Variants in CRHR1 observed in about 807,000 individuals in gnomAD.
CRHR1 encodes corticotropin-releasing hormone receptor 1.
Under a neutral mutation model 56.0 loss-of-function variants are expected in CRHR1, and 28 were observed. The observed-to-expected ratio is 0.50, with a 90% CI of 0.37 to 0.69. The LOEUF is 0.69. Ranked by LOEUF, CRHR1 falls within the 30% of genes least tolerant of loss-of-function variation. The pLI is 0.00. For synonymous variants in CRHR1, 195 were observed against 216.5 expected, an observed-to-expected ratio of 0.90 and a Z score of 0.87; for missense variants, 376 against 548.0, an observed-to-expected ratio of 0.69 and a Z score of 3.13.
intron 2 of CRHR1, among the ~76,000 whole-genome samples, chr17:45,811,715 G>T (rs951314139): frequency 6.6e-6 from 1 of 152,180 alleles, no homozygotes; most frequent in Non-Finnish European, 1.5e-5. Flanking sequence ...CACTTTCCCC[G>T]CAGGTTTTCT....
At chr17:45,832,994 C>T (rs1362261878) in intron 8 of CRHR1, 144 bp from the exon 9 acceptor site, 1 of 724,258 alleles carries the variant, frequency 1.4e-6, no homozygotes, top group East Asian at 2.5e-5. Context: ...GATCAAGTGA[C>T]TTGACCTTCT....
chr17:45,833,693 T>TGGGGCCCCCCC, intron 10 of CRHR1, 21 bp from the exon 11 acceptor site: 15 of 1,571,518 alleles, frequency 9.5e-6, no homozygotes, highest in Non-Finnish European at 1.3e-5. Context: ...ACTCCGAGCC[T>TGGGGCCCCCCC]CCCCACCCGC....
chr17:45,831,508 G>A (rs539780732), intron 8 of CRHR1, among the ~76,000 whole-genome samples: 8 of 152,136 alleles, frequency 5.3e-5, no homozygotes, highest in Non-Finnish European at 7.3e-5. Flanking sequence ...GTTTCCAATC[G>A]TGCCTGGAAA....
intron 1 of CRHR1, among the ~76,000 whole-genome samples, chr17:45,791,898 G>T (rs1046486050): frequency 1.4e-5 from 2 of 147,622 alleles, no homozygotes; most frequent in African/African-American, 5.1e-5. Flanking sequence ...TGGTACCCTG[G>T]CGAGTGAGCT....
At chr17:45,801,604 T>A (rs115156830) in intron 1 of CRHR1, among the ~76,000 whole-genome samples, 237 of 152,318 alleles carry the variant, frequency 1.6e-3, no homozygotes, top group African/African-American at 4.9e-3. Context: ...TGCACGGAAG[T>A]GAGGCATTAG....
At chr17:45,830,806 C>G (rs1002347866) in intron 7 of CRHR1, 74 bp from the exon 8 acceptor site, 1 of 1,469,658 alleles carries the variant, frequency 6.8e-7, no homozygotes, top group African/African-American at 1.4e-5. Flanking sequence ...GGAGCCTGGG[C>G]TGCACTGGGG....
At chr17:45,816,441 T>A (rs2061929152) in intron 2 of CRHR1, 22 bp from the exon 3 acceptor site, 1 of 1,613,444 alleles carries the variant, frequency 6.2e-7, no homozygotes, top group African/African-American at 1.3e-5. Flanking sequence ...TGCTGTGCCT[T>A]ACCAGCCGTC....
At chr17:45,830,282 C>T (rs1301928599) in intron 6 of CRHR1, 68 bp downstream of exon 6, 1 of 1,419,942 alleles carries the variant, frequency 7.0e-7, no homozygotes, top group African/African-American at 1.4e-5. Flanking sequence ...GCCCGCCTGC[C>T]CTGCAGAGGA....
rs570966623 is a variant in CRHR1, at chr17:45,834,713, C to G, written c.1197C>G (p.Thr399=). The change falls in exon 13 of 13, where the codon ACC becomes ACG. Residue 399 remains threonine (T), a synonymous_variant. Transcript: ENST00000314537. ...TGGCCCGTGCCATGTCCATCCCCAC[C>G]TCCCCAACCCGTGTCAGCTTTCACA... ...ARVARAMSIP[T]SPTRVSFHSI... is the part of the protein sequence containing the mutation. The G allele has an allele frequency of 6.2e-7, 1 of 1,613,818 alleles. No homozygotes were observed. Among genetic ancestry groups the G allele is most frequent in the East Asian group, 2.2e-5 (1 of 44,864 alleles).
chr17:45,810,763 G>GGATC (rs2061807568), intron 2 of CRHR1, among the ~76,000 whole-genome samples: 1 of 152,202 alleles, frequency 6.6e-6, no homozygotes, highest in Non-Finnish European at 1.5e-5. Flanking sequence ...TTGTCCTGAT[G>GGATC]GATCACACAC....
rs2061932510 is a variant in CRHR1 at position 45,816,540 on chromosome 17, C to T, written c.199C>T (p.Pro67Ser). Residue 67 changes from proline (P) to serine (S), a missense_variant, in exon 3 of 13, where the codon CCC becomes TCC. Physicochemically the swap from Pro to Ser is moderately conservative, Grantham distance 74. Coordinates refer to ENST00000314537, the MANE Select transcript of CRHR1 (RefSeq NM_004382.5). ...CCCTGCGGGGCAGCTAGTGGTTCGG[C>T]CCTGCCCTGCCTTTTTCTATGGTGT... is the stretch of plus-strand genomic sequence containing the variant. ...RSPAGQLVVR[P>S]CPAFFYGVRY... 5.0e-6 allele frequency: 8 copies of T among 1,614,028 alleles called. No individual in the cohort carries two copies. The highest frequency in any genetic ancestry group is 3.4e-6 in the Non-Finnish European group (4 of 1,180,036).
At chr17:45,819,447 A>T (rs185822885) in intron 3 of CRHR1, among the ~76,000 whole-genome samples, 258 of 83,724 alleles carry the variant, frequency 3.1e-3, no homozygotes, top group African/African-American at 0.01. Context: ...ACCCCACCCC[A>T]TCCCACCACC....
rs1275609927 is a variant in CRHR1, at chr17:45,834,784, G to A, written c.*20G>A. On this transcript the variant is annotated 3_prime_UTR_variant, in exon 13 of 13. Coordinates refer to ENST00000314537, the MANE Select transcript of CRHR1 (RefSeq NM_004382.5). Reference sequence around the variant, plus strand: ...GTCTGAGCTGGCAGGTCATGGAGCAGCCCCCAAAGAGCTGTGGCTGGGGGG... The same window carrying A: ...GTCTGAGCTGGCAGGTCATGGAGCAACCCCCAAAGAGCTGTGGCTGGGGGG... 6.2e-7 allele frequency: 1 copy of A among 1,613,222 alleles called. No homozygotes were observed. The highest frequency in any genetic ancestry group is 1.7e-5 in the Admixed American group (1 of 60,016).
chr17:45,784,558 C>A lies in CRHR1; in HGVS notation c.14C>A (p.Pro5Gln). 1 of 1,555,038 alleles carries A rather than the reference C, an allele frequency of 6.4e-7. No homozygotes were observed. The highest frequency in any genetic ancestry group is 2.5e-5 in the East Asian group (1 of 40,458). ...GCGAGCCCGAGGATGGGAGGGCACC[C>A]GCAGCTCCGTCTCGTCAAGGTAACA... The part of the protein sequence containing the change: MGGH[P>Q]QLRLVKALLL... The change falls in exon 1 of 13, where the codon CCG (proline) becomes CAG (glutamine). Residue 5 changes from proline (P) to glutamine (Q), a missense_variant. Pro to Gln is a moderately conservative substitution (Grantham distance 76). Transcript: ENST00000314537. The surrounding 1 kb of genome is among the most constrained non-coding windows in gnomAD (Gnocchi z 4.2).
chr17:45,797,017 ACCCCCTGC>A (rs1255798086), intron 1 of CRHR1, among the ~76,000 whole-genome samples: 4 of 152,176 alleles, frequency 2.6e-5, no homozygotes. Flanking sequence ...CGCTCCGGGC[ACCCCCTGC>A]CCCCATGCTT....
intron 8 of CRHR1, among the ~76,000 whole-genome samples, chr17:45,831,920 C>T (rs936729467): frequency 3.3e-5 from 5 of 151,962 alleles, no homozygotes; most frequent in South Asian, 4.1e-4. Context: ...GATTATCTTG[C>T]GTGTTTATGT....
intron 3 of CRHR1, among the ~76,000 whole-genome samples, chr17:45,818,254 G>A (rs2061968579): frequency 6.6e-6 from 1 of 152,230 alleles, no homozygotes; most frequent in Non-Finnish European, 1.5e-5. Flanking sequence ...GCTGGGTGGG[G>A]CCGGCCAGGC....
At chr17:45,829,707 G>A in intron 5 of CRHR1, 2 of 1,479,086 alleles carry the variant, frequency 1.4e-6, no homozygotes, top group South Asian at 1.2e-5. Flanking sequence ...GATGGGGATG[G>A]TTGGGATCAG....
Position 45,784,570 on chromosome 17 carries a change from T to G in CRHR1, c.26T>G (p.Leu9Arg). The G allele has an allele frequency of 2.6e-6, 4 of 1,553,158 alleles. No individual in the cohort carries two copies. Among genetic ancestry groups the G allele is most frequent in the Non-Finnish European group, 3.5e-6 (4 of 1,149,662 alleles). Residue 9 changes from leucine (L) to arginine (R), a missense_variant, in exon 1 of 13, where the codon CTC (leucine) becomes CGC (arginine). By Grantham distance (102) the Leu-to-Arg change is moderately radical. Coordinates refer to ENST00000314537, the MANE Select transcript of CRHR1 (RefSeq NM_004382.5). The surrounding 1 kb of genome is among the most constrained non-coding windows in gnomAD (Gnocchi z 4.2). MGGHPQLRLVKALLLLGLN... is the reference protein window; with the variant it reads MGGHPQLRRVKALLLLGLN... ...ATGGGAGGGCACCCGCAGCTCCGTC[T>G]CGTCAAGGTAACAGCCCGCCGGCCA...
Sources: gnomAD v4.1 joint callset for allele counts (sites outside exome capture counted in the v4.1 genomes callset) on GRCh38, gnomAD v4.1.1 for gene constraint, Gnocchi (gnomAD v3.1) non-coding constraint, MANE v1.5 for transcripts, NCBI Gene and HGNC (gene_info 2026-07-23, HGNC 2026-07-21) for gene names.